The following CAGE1 variants were observed in gnomAD, a reference collection of about 807,000 sequenced individuals.
CAGE1 encodes cancer-associated gene 1 protein.
CAGE1 carries 66 observed loss-of-function variants against 94.9 expected under a neutral mutation model. That is an observed-to-expected ratio of 0.70 (90% CI 0.57 to 0.85). The LOEUF (loss-of-function observed/expected upper bound fraction) is 0.85. Among genes scored for constraint, CAGE1 ranks in the 40% least tolerant of loss-of-function variants. The probability of loss-of-function intolerance (pLI) is 0.00; values close to 1 mark genes in which losing one functional copy is unlikely to be tolerated. For missense variants in CAGE1, 865 were observed against 950.4 expected (o/e 0.91, Z 1.18); for synonymous variants, 319 against 321.0 (o/e 0.99, Z 0.07).
chr6:7,354,918 A>T, intron 11 of CAGE1, 123 bp downstream of exon 11: 2 of 655,122 alleles, frequency 3.1e-6, no homozygotes, highest in Non-Finnish European at 5.2e-6. Flanking sequence ...ATAAAGAATG[A>T]ACTTAATTAA....
intron 4 of CAGE1, among the ~76,000 whole-genome samples, chr6:7,375,433 A>G (rs1760705747): frequency 6.6e-6 from 1 of 151,842 alleles, no homozygotes. Flanking sequence ...CAAACAAACA[A>G]AAAAAACAAA....
chr6:7,342,328 G>A (rs1759212676), intron 11 of CAGE1, among the ~76,000 whole-genome samples: 1 of 152,202 alleles, frequency 6.6e-6, no homozygotes, highest in Non-Finnish European at 1.5e-5. Flanking sequence ...GATGGCCTGA[G>A]TGTGCCTCCA....
At chr6:7,363,184 C>T (rs566299186) in intron 9 of CAGE1, among the ~76,000 whole-genome samples, 5 of 152,230 alleles carry the variant, frequency 3.3e-5, no homozygotes, top group Admixed American at 6.5e-5. Flanking sequence ...GCAGGAGAAT[C>T]GCTTGAACCC....
At chr6:7,359,595 G>T (rs1760103032) in intron 9 of CAGE1, among the ~76,000 whole-genome samples, 1 of 152,176 alleles carries the variant, frequency 6.6e-6, no homozygotes, top group South Asian at 2.1e-4. Context: ...AAGTCCTTTT[G>T]GAGAGCTGCT....
chr6:7,382,245 T>C (rs1283986144), intron 3 of CAGE1, among the ~76,000 whole-genome samples: 1 of 152,096 alleles, frequency 6.6e-6, no homozygotes, highest in Non-Finnish European at 1.5e-5. Flanking sequence ...TACTTTATTA[T>C]ACTTTGGCCA....
chr6:7,352,899 A>G (rs1315880106), intron 11 of CAGE1, among the ~76,000 whole-genome samples: 1 of 152,316 alleles, frequency 6.6e-6, no homozygotes, highest in East Asian at 1.9e-4. Context: ...TCAACTCAAG[A>G]TGGATTAAGG....
At position 7,339,925 on chromosome 6, in the gene CAGE1, G is replaced by A. The variant is rs1341721251; in HGVS notation, c.2370-5835C>T. Among the ~76,000 whole-genome samples, 1 of 152,200 alleles carries A rather than the reference G, an allele frequency of 6.6e-6. No individual in the cohort carries two copies. The highest frequency in any genetic ancestry group is 1.5e-5 in the Non-Finnish European group (1 of 68,048). On this transcript the variant is annotated intron_variant, in intron 11 of 13. Transcript: ENST00000502583. The surrounding 1 kb of genome is among the most constrained non-coding windows in gnomAD (Gnocchi z 4.7). ...TGAATAATGACTTCTTGTCCTCTGG[G>A]TAGATACCCAGTAGTGGGATTTCTG...
At chr6:7,358,042 A>G (rs1477867269) in intron 9 of CAGE1, among the ~76,000 whole-genome samples, 6 of 101,352 alleles carry the variant, frequency 5.9e-5, no homozygotes, top group African/African-American at 1.6e-4. Context: ...ATATATATAT[A>G]TATATATATA....
At chr6:7,382,896 C>T (rs575233435) in intron 3 of CAGE1, among the ~76,000 whole-genome samples, 5 of 152,030 alleles carry the variant, frequency 3.3e-5, no homozygotes, top group Non-Finnish European at 5.9e-5. Flanking sequence ...GGTGACAGAG[C>T]GAGACTCCAT....
chr6:7,343,641 T>C (rs917607489), intron 11 of CAGE1, among the ~76,000 whole-genome samples: 4 of 152,202 alleles, frequency 2.6e-5, no homozygotes, highest in Admixed American at 2.0e-4. Context: ...AGGACTCTGT[T>C]GGCATTCTGT....
At chr6:7,370,465 T>C (rs1285872095) in intron 5 of CAGE1, among the ~76,000 whole-genome samples, 1 of 152,100 alleles carries the variant, frequency 6.6e-6, no homozygotes, top group Admixed American at 6.6e-5. Flanking sequence ...GGCTAATTTT[T>C]CAAATTTTTT....
At chr6:7,337,376 G>T (rs1325475323) in intron 11 of CAGE1, among the ~76,000 whole-genome samples, 1 of 148,608 alleles carries the variant, frequency 6.7e-6, no homozygotes, top group Non-Finnish European at 1.5e-5. Context: ...TGATGAAGTC[G>T]AATTTATTAA....
In CAGE1 at chr6:7,373,167, AC is replaced by A; in HGVS notation, c.1651del (p.Val551LeufsTer18). ...ATAATTTTGCTCTTCACTCCTTGCA[AC>A]CTGCTGTTTAAGTTTTGCATTCTCA... Reference protein sequence around the residue: ...KNENAKLKQQVARSEEQNYVP... With the variant: ...KNENAKLKQQXARSEEQNYVP... On this transcript the variant is annotated frameshift_variant, in exon 5 of 14. Coordinates refer to ENST00000502583, the MANE Select transcript of CAGE1 (RefSeq NM_001170692.2). LOFTEE classifies it high-confidence loss of function. 1.9e-6 allele frequency: 3 copies of A among 1,613,768 alleles called. No homozygotes were observed. Among genetic ancestry groups the A allele is most frequent in the Non-Finnish European group, 2.5e-6 (3 of 1,179,830 alleles).
Position 7,339,322 on chromosome 6 carries a change from T to A in CAGE1, c.2370-5232A>T, listed in dbSNP as rs924569551. On this transcript the variant is annotated intron_variant, in intron 11 of 13. Coordinates refer to ENST00000502583, the MANE Select transcript of CAGE1 (RefSeq NM_001170692.2). This position sits in a 1 kb window ranked among gnomAD's most constrained non-coding sequence, Gnocchi z 4.7. ...ACCTCTTCAGCATAAAGCTCTACAC[T>A]GCCCTCTGGAGAGCCAAACCTCTTC... 6.3e-7 allele frequency: 1 copy of A among 1,591,348 alleles called. No homozygotes were observed. The highest frequency in any genetic ancestry group is 8.6e-7 in the Non-Finnish European group (1 of 1,159,916).
rs140886706 is a variant in CAGE1 at position 7,382,287 on chromosome 6, C to T, written c.284-3267G>A. Among the ~76,000 whole-genome samples the T allele has an allele frequency of 3.8e-4, 58 of 151,794 alleles. No individual in the cohort carries two copies. The East Asian group carries it at 0.011, about 28-fold the overall frequency. ...CGTTTTCTTAATGTAGTCAATGCAT[C>T]GATTATGGATTGCATTTCTCCTGTC... On this transcript the variant is annotated intron_variant, in intron 3 of 13. Coordinates refer to ENST00000502583, the MANE Select transcript of CAGE1 (RefSeq NM_001170692.2).
chr6:7,382,599 C>G (rs1581700110), intron 3 of CAGE1, among the ~76,000 whole-genome samples: 1 of 151,580 alleles, frequency 6.6e-6, no homozygotes, highest in Middle Eastern at 3.4e-3. Flanking sequence ...CCGTGCCCAG[C>G]CCTGCATTTC....
At chr6:7,354,195 A>G (rs1395152291) in intron 11 of CAGE1, among the ~76,000 whole-genome samples, 1 of 152,222 alleles carries the variant, frequency 6.6e-6, no homozygotes, top group East Asian at 1.9e-4. Context: ...TTTAATTTTT[A>G]TATTTCATTG....
intron 11 of CAGE1, among the ~76,000 whole-genome samples, chr6:7,343,203 G>A (rs985511785): frequency 3.6e-4 from 27 of 74,248 alleles, no homozygotes; most frequent in Middle Eastern, 7.8e-3. Context: ...AAAAAAAAAA[G>A]AAAAGAAAAG....
At chr6:7,326,992 G>C (rs908830997) in intron 13 of CAGE1, 93 bp from the exon 14 acceptor site, 1 of 853,446 alleles carries the variant, frequency 1.2e-6, no homozygotes, top group African/African-American at 1.7e-5. Flanking sequence ...TATTACATAT[G>C]GAAAAGGGGT....
Sources: allele counts gnomAD v4.1 joint callset (sites outside exome capture counted in the v4.1 genomes callset), GRCh38; gene constraint gnomAD v4.1.1; non-coding constraint Gnocchi (gnomAD v3.1); transcripts MANE v1.5; gene names NCBI Gene and HGNC (gene_info 2026-07-23, HGNC 2026-07-21).